SUPT20H: variants seen among roughly 807,000 people sequenced by gnomAD.
SUPT20H encodes SPT20 homolog, SAGA complex component, also known as transcription factor SPT20 homolog.
A neutral mutation model predicts 122.8 loss-of-function variants in SUPT20H; 82 were observed. The ratio of observed to expected loss-of-function variants is 0.67; its 90% confidence interval spans 0.56 to 0.80. The LOEUF (loss-of-function observed/expected upper bound fraction) is 0.80, where lower values mean the gene tolerates loss of function less well. Among genes scored for constraint, SUPT20H ranks in the 30% least tolerant of loss-of-function variants. The pLI is 0.00. For synonymous variants in SUPT20H, 291 were observed against 313.0 expected (o/e 0.93, Z 0.74); for missense variants, 831 against 921.6 (o/e 0.90, Z 1.27).
intron 1 of SUPT20H, among the ~76,000 whole-genome samples, chr13:37,056,330 G>C (rs952131232): frequency 2.6e-5 from 4 of 152,170 alleles, no homozygotes; most frequent in African/African-American, 9.7e-5. Context: ...GTTTATTGCA[G>C]CACTATTTAC....
rs2066725211 is a variant in SUPT20H at position 37,047,575 on chromosome 13, T to C, written c.125A>G (p.Asp42Gly). The C allele has an allele frequency of 2.1e-6, 3 of 1,425,916 alleles. No individual in the cohort carries two copies. Among genetic ancestry groups the C allele is most frequent in the Non-Finnish European group, 2.8e-6 (3 of 1,068,224 alleles). The allele number at this position is 1,425,916 out of a possible 1,614,324, so 88.3% of individuals were successfully genotyped here. Residue 42 changes from aspartate (D) to glycine (G), a missense_variant, in exon 5 of 26, where the codon GAC (aspartate) becomes GGC (glycine). Coordinates refer to ENST00000350612, the MANE Select transcript of SUPT20H (RefSeq NM_001014286.3). ...TTTTTCACATTCTTCAATATACAAG[T>C]CATAAAGTTTTTGAAATACAGATTT... ...GRKSVFQKLY[D>G]LYIEECEKEP...
chr13:37,016,213 G>A (rs2060455691), intron 23 of SUPT20H, among the ~76,000 whole-genome samples: 1 of 151,944 alleles, frequency 6.6e-6, no homozygotes, highest in Non-Finnish European at 1.5e-5. Context: ...GGCGGATCAC[G>A]AGGTCAGGAG....
At chr13:37,017,516 T>TA (rs778372970) in intron 22 of SUPT20H, 152 bp from the exon 23 acceptor site, 914 of 788,456 alleles carry the variant, frequency 1.2e-3, no homozygotes, top group Non-Finnish European at 1.4e-3. Flanking sequence ...TGGCTGCCCT[T>TA]AAAAAAAAGA....
At chr13:37,028,049 G>C (rs2062626375) in intron 14 of SUPT20H, 99 bp downstream of exon 14, 10 of 1,182,694 alleles carry the variant, frequency 8.5e-6, no homozygotes, top group South Asian at 2.2e-5. Flanking sequence ...AGTTCCCAAA[G>C]AGAAATTTTT....
intron 3 of SUPT20H, among the ~76,000 whole-genome samples, chr13:37,048,177 T>C (rs1210017361): frequency 6.6e-6 from 1 of 152,194 alleles, no homozygotes; most frequent in Non-Finnish European, 1.5e-5. Flanking sequence ...TTCACAACCA[T>C]GACTTCACAG....
rs1160440380 is a variant in SUPT20H, at chr13:37,045,330, T to C, written c.209A>G (p.Gln70Arg). The C allele has an allele frequency of 1.9e-6, 3 of 1,613,600 alleles. No homozygotes were observed. In the African/African-American group the frequency reaches 4.0e-5, roughly 22 times the overall value. ...GACCACTAAACATGACAAAGTCTCT[T>C]GCATAACAAGCTTCTCTAACAAGTT... is the stretch of plus-strand genomic sequence containing the variant. ...NVNLLEKLVMQETLSCLVVNL... is the reference protein window; with the variant it reads ...NVNLLEKLVMRETLSCLVVNL... Residue 70 changes from glutamine (Q) to arginine (R), a missense_variant, in exon 6 of 26, where the codon CAA (glutamine) becomes CGA (arginine). Transcript: ENST00000350612.
At position 37,045,274 on chromosome 13, in the gene SUPT20H, G is replaced by A; in HGVS notation, c.265C>T (p.Leu89=). ...GATCCGTTTTTTCCCCTGAGCATCA[G>A]AGAATATCCCTCATTTCCTGGGTAT... ...NLYPGNEGYS[L]MLRGKNGSDS... is the part of the protein sequence containing the mutation. The change falls in exon 6 of 26, where the codon CTG becomes TTG. Residue 89 remains leucine (L), a synonymous_variant. Coordinates refer to ENST00000350612, the MANE Select transcript of SUPT20H (RefSeq NM_001014286.3). The A allele has an allele frequency of 6.8e-6, 11 of 1,613,748 alleles. No homozygotes were observed. Among genetic ancestry groups the A allele is most frequent in the Non-Finnish European group, 9.3e-6 (11 of 1,179,778 alleles).
In SUPT20H at chr13:37,024,123, T is replaced by C. The variant is rs764891851; in HGVS notation, c.1503A>G (p.Pro501=). ...KSPTPPPSSK[P]SSIPRKSSVD... ...CAGATGATTTCCGAGGAATACTTGA[T>C]GGCTTAGAAGAAGGAGGAGGAGTTG... The change falls in exon 19 of 26, where the codon CCA becomes CCG. Residue 501 remains proline (P), a synonymous_variant. Transcript: ENST00000350612. 5.6e-6 allele frequency: 9 copies of C among 1,613,808 alleles called. No individual in the cohort carries two copies. The highest frequency in any genetic ancestry group is 6.8e-6 in the Non-Finnish European group (8 of 1,179,876).
chr13:37,055,936 C>T (rs1405558251), intron 1 of SUPT20H, among the ~76,000 whole-genome samples: 4 of 152,302 alleles, frequency 2.6e-5, no homozygotes, highest in African/African-American at 9.6e-5. Context: ...AAACAAACAA[C>T]CCCATCAATC....
At chr13:37,042,831 G>A (rs78610411) in intron 7 of SUPT20H, among the ~76,000 whole-genome samples, 2,078 of 152,176 alleles carry the variant, frequency 0.014, 39 homozygotes, top group African/African-American at 0.046. Flanking sequence ...AAGGATATGA[G>A]GTCAAGGGAG....
chr13:37,051,340 G>T, intron 2 of SUPT20H, 148 bp downstream of exon 2: 1 of 662,564 alleles, frequency 1.5e-6, no homozygotes, highest in Non-Finnish European at 2.5e-6. Context: ...AGAAGACTTT[G>T]CAATGGGATT....
intron 5 of SUPT20H, 89 bp downstream of exon 5, chr13:37,047,446 C>T (rs2066697144): frequency 2.3e-6 from 3 of 1,309,554 alleles, no homozygotes; most frequent in Non-Finnish European, 2.0e-6. Context: ...TTCACTCACA[C>T]ACACAAAAAT....
At position 37,059,571 on chromosome 13, in the gene SUPT20H, C is replaced by A. The variant is rs1442209040; in HGVS notation, c.-106G>T. 1 of 152,460 alleles carries A rather than the reference C, an allele frequency of 6.6e-6. No homozygotes were observed. Among genetic ancestry groups the A allele is most frequent in the East Asian group, 1.9e-4 (1 of 5,208 alleles). 9.4% of individuals were successfully genotyped at this position (152,460 alleles called of 1,614,324 possible). On this transcript the variant is annotated 5_prime_UTR_variant, in exon 1 of 26. Transcript: ENST00000350612. ...CGCCACCGCCCACCTGTGCGGGTCG[C>A]CTCGCCGCTAGGCCCCAAGACGGCG... is the stretch of plus-strand genomic sequence containing the variant.
intron 22 of SUPT20H, among the ~76,000 whole-genome samples, 165 bp from the exon 23 acceptor site, chr13:37,017,529 T>G (rs1354008010): frequency 6.6e-6 from 1 of 152,190 alleles, no homozygotes; most frequent in African/African-American, 2.4e-5. Flanking sequence ...AAAAAAGACC[T>G]ATTTAGAAAC....
At chr13:37,046,795 A>T (rs569273251) in intron 5 of SUPT20H, 4 of 152,330 alleles carry the variant, frequency 2.6e-5, no homozygotes, top group African/African-American at 9.6e-5. Flanking sequence ...AGTATGTATC[A>T]GTAGAACTTA....
At chr13:37,041,447 G>A (rs939687462) in intron 7 of SUPT20H, among the ~76,000 whole-genome samples, 7 of 151,958 alleles carry the variant, frequency 4.6e-5, no homozygotes, top group African/African-American at 9.7e-5. Flanking sequence ...GAACCCAGGC[G>A]GTGGGGCTTG....
chr13:37,052,249 G>C (rs1566360880), intron 1 of SUPT20H, among the ~76,000 whole-genome samples: 2 of 152,104 alleles, frequency 1.3e-5, no homozygotes, highest in Non-Finnish European at 2.9e-5. Context: ...AAAGAACAAA[G>C]CTGGAGGCAT....
intron 1 of SUPT20H, among the ~76,000 whole-genome samples, chr13:37,058,441 A>G (rs1217032481): frequency 1.3e-5 from 2 of 152,198 alleles, no homozygotes; most frequent in Non-Finnish European, 2.9e-5. Flanking sequence ...CTGAATTTGA[A>G]GATGAAGATA....
intron 1 of SUPT20H, 51 bp from the exon 2 acceptor site, chr13:37,051,634 G>GGA (rs1555316852): frequency 1.4e-3 from 516 of 374,792 alleles, no homozygotes; most frequent in East Asian, 2.0e-3. Flanking sequence ...GCTATTAAGA[G>GGA]AAAAAAAAAG....
Sources: gnomAD v4.1 joint callset for allele counts (sites outside exome capture counted in the v4.1 genomes callset) on GRCh38, gnomAD v4.1.1 for gene constraint, MANE v1.5 for transcripts, NCBI Gene and HGNC (gene_info 2026-07-23, HGNC 2026-07-21) for gene names.